Variants in RGPD2 observed in about 807,000 individuals in gnomAD.
The protein encoded by RGPD2 is RANBP2-like and GRIP domain-containing protein 2.
In RGPD2, 2 loss-of-function variants were observed where a neutral mutation model predicts 36.0. The ratio of observed to expected loss-of-function variants is 0.06; its 90% CI spans 0.02 to 0.17. The LOEUF (loss-of-function observed/expected upper bound fraction) is 0.17. Ranked by LOEUF, RGPD2 falls within the 10% of genes least tolerant of loss-of-function variation. The pLI, the probability that RGPD2 is intolerant of heterozygous loss-of-function variation, is 1.00. For missense variants in RGPD2, 40 were observed against 464.3 expected, an observed-to-expected ratio of 0.09 and a Z score of 8.40; for synonymous variants, 19 against 163.8, an observed-to-expected ratio of 0.12 and a Z score of 6.75.
chr2:87,968,696 C>T, the RGPD2 span: 552 of 225,934 alleles, frequency 2.4e-3, 1 homozygote, highest in Non-Finnish European at 3.8e-3. Context: ...ACCCAGCGGG[C>T]GCAAGCCAAG....
chr2:87,769,602 T>C (rs1422491658), intron 22 of RGPD2, among the ~76,000 whole-genome samples: 1 of 151,730 alleles, frequency 6.6e-6, no homozygotes, highest in Non-Finnish European at 1.5e-5. Context: ...GTTAGCAACG[T>C]CTACATTAAA....
the RGPD2 span, among the ~76,000 whole-genome samples, chr2:87,883,851 G>GTA: frequency 6.6e-6 from 1 of 151,832 alleles, no homozygotes; most frequent in East Asian, 1.9e-4. Context: ...TAGTAATAGG[G>GTA]TATTTCAACA....
chr2:87,988,536 TATATA>T, the RGPD2 span, among the ~76,000 whole-genome samples: 12 of 26,468 alleles, frequency 4.5e-4, no homozygotes, highest in Admixed American at 3.6e-3. Context: ...TATATATATA[TATATA>T]TTTTTTTTTT....
the RGPD2 span, among the ~76,000 whole-genome samples, chr2:87,875,666 G>GTT: frequency 8.1e-3 from 1,057 of 130,150 alleles, no homozygotes; most frequent in Middle Eastern, 0.034. Flanking sequence ...TTGGCTTGAA[G>GTT]TTTTTGTTGT....
the RGPD2 span, chr2:87,985,819 C>T: frequency 6.2e-7 from 1 of 1,611,394 alleles, no homozygotes; most frequent in Non-Finnish European, 8.5e-7. Flanking sequence ...TAACTGGGTC[C>T]TACTGGAGCA....
rs1217341088 is a variant in RGPD2, at chr2:87,825,688, C to G, written c.42G>C (p.Ser14=). The change falls in exon 1 of 23, where the codon TCG becomes TCC. Residue 14 remains serine (S), a synonymous_variant. Transcript: ENST00000398146. The part of the protein sequence containing the change: ...SKAYGERYLA[S]VQGSAPSPGK... ...CAGGCGACGGGGCGGAGCCCTGCAC[C>G]GAGGCGAGGTACCGCTCCCCGTAGG... is the stretch of plus-strand genomic sequence containing the variant. The G allele has an allele frequency of 5.6e-6, 9 of 1,599,286 alleles. No individual in the cohort carries two copies. The highest frequency in any genetic ancestry group is 3.4e-5 in the Admixed American group (2 of 58,864).
At chr2:87,897,490 C>T in the RGPD2 span, among the ~76,000 whole-genome samples, 1 of 151,916 alleles carries the variant, frequency 6.6e-6, no homozygotes, top group Non-Finnish European at 1.5e-5. Context: ...TTTTTAGGTT[C>T]CGAGGTACAT....
chr2:87,875,239 T>C, the RGPD2 span, among the ~76,000 whole-genome samples: 1 of 152,162 alleles, frequency 6.6e-6, no homozygotes, highest in East Asian at 1.9e-4. Flanking sequence ...TCCAATACCA[T>C]GTTGAATAAG....
chr2:87,846,975 T>C, the RGPD2 span, among the ~76,000 whole-genome samples: 1 of 149,870 alleles, frequency 6.7e-6, no homozygotes, highest in South Asian at 2.1e-4. Flanking sequence ...TAAGGCAATA[T>C]TAGCCTTATT....
the RGPD2 span, among the ~76,000 whole-genome samples, chr2:87,848,853 G>A: frequency 8.1e-6 from 1 of 123,318 alleles, no homozygotes; most frequent in African/African-American, 2.8e-5. Context: ...AAATAATTGA[G>A]GGTGTGGTGT....
the RGPD2 span, among the ~76,000 whole-genome samples, chr2:87,852,864 T>C: frequency 6.6e-6 from 1 of 152,300 alleles, no homozygotes; most frequent in Non-Finnish European, 1.5e-5. Context: ...TTCTCCATAA[T>C]AGTCATAGCC....
chr2:87,881,997 A>C, the RGPD2 span, among the ~76,000 whole-genome samples: 5 of 152,090 alleles, frequency 3.3e-5, no homozygotes, highest in African/African-American at 1.2e-4. Flanking sequence ...AAAAGCAAGA[A>C]AGATAGTTGG....
chr2:87,929,487 ATGTGTG>A, the RGPD2 span, among the ~76,000 whole-genome samples: 413 of 137,046 alleles, frequency 3.0e-3, 2 homozygotes, highest in Middle Eastern at 7.5e-3. Flanking sequence ...GTGTGTGTGT[ATGTGTG>A]TGTGTGTGTG....
At chr2:87,974,435 A>G in the RGPD2 span, among the ~76,000 whole-genome samples, 107 of 151,216 alleles carry the variant, frequency 7.1e-4, no homozygotes, top group African/African-American at 2.6e-3. Flanking sequence ...ACTTAGGATA[A>G]TGTACATCCT....
chr2:87,866,918 A>G, the RGPD2 span, among the ~76,000 whole-genome samples: 2 of 152,256 alleles, frequency 1.3e-5, no homozygotes, highest in Non-Finnish European at 2.9e-5. Flanking sequence ...CAGAGGAAGG[A>G]TACAGTGATT....
chr2:87,983,288 C>T, the RGPD2 span, among the ~76,000 whole-genome samples: 17 of 152,140 alleles, frequency 1.1e-4, no homozygotes, highest in Admixed American at 2.0e-4. Context: ...CCACTGCATT[C>T]CAGCCTAGAT....
the RGPD2 span, among the ~76,000 whole-genome samples, chr2:87,883,310 A>G: frequency 6.6e-6 from 1 of 152,026 alleles, no homozygotes; most frequent in African/African-American, 2.4e-5. Flanking sequence ...ATATTTTATA[A>G]CAAAACACAA....
the RGPD2 span, among the ~76,000 whole-genome samples, chr2:87,910,710 T>C: frequency 4.0e-5 from 6 of 151,614 alleles, no homozygotes; most frequent in Admixed American, 2.6e-4. Flanking sequence ...TAATAAATGA[T>C]AGAGTACAAT....
chr2:87,853,447 C>T, the RGPD2 span, among the ~76,000 whole-genome samples: 1 of 151,806 alleles, frequency 6.6e-6, no homozygotes, highest in Non-Finnish European at 1.5e-5. Context: ...TGGTCTTGAA[C>T]TCCTAGCCTC....
Sources: allele counts gnomAD v4.1 joint callset (sites outside exome capture counted in the v4.1 genomes callset), GRCh38; gene constraint gnomAD v4.1.1; transcripts MANE v1.5; gene names NCBI Gene and HGNC (gene_info 2026-07-23, HGNC 2026-07-21).